The following HERC1 variants were observed in gnomAD, a reference collection of about 807,000 sequenced individuals.
HERC1 encodes HECT and RLD domain containing E3 ubiquitin protein ligase family member 1, also known as probable E3 ubiquitin-protein ligase HERC1.
Under a neutral mutation model 554.3 loss-of-function variants are expected in HERC1, and 160 were observed. The observed-to-expected ratio is 0.29, with a 90% CI of 0.25 to 0.33. The LOEUF (loss-of-function observed/expected upper bound fraction) is 0.33, where lower values mean the gene tolerates loss of function less well. Among genes scored for constraint, HERC1 ranks in the 10% least tolerant of loss-of-function variants. HERC1 has a pLI of 1.00. For missense variants in HERC1, 4,919 were observed against 5,918.5 expected (o/e 0.83, Z 5.54); for synonymous variants, 2,175 against 2,131.7 (o/e 1.02, Z -0.56).
chr15:63,654,017 T>C, intron 51 of HERC1, 102 bp downstream of exon 51: 1 of 840,682 alleles, frequency 1.2e-6, no homozygotes, highest in South Asian at 1.5e-5. Flanking sequence ...TGAAAGAGAG[T>C]GACACAAAGA....
In HERC1 at chr15:63,693,978, T is replaced by C. The variant is rs2072266388; in HGVS notation, c.5660A>G (p.Lys1887Arg). Residue 1887 changes from lysine to arginine, a missense_variant, in exon 30 of 78, where the codon AAG becomes AGG. Lys to Arg is a conservative substitution (Grantham distance 26). This residue lies in a region of HERC1 where 1,121 missense variants were observed against 1,244.0 expected (regional missense o/e 0.90). Coordinates refer to ENST00000443617, the MANE Select transcript of HERC1 (RefSeq NM_003922.4). ...GCTTACATTACCTCTGAAATCTTTC[T>C]TCTCAGTTTCTCCACTGGAGTCAAC... is the stretch of plus-strand genomic sequence containing the variant. The part of the protein sequence containing the change: ...KKVDSSGETE[K>R]KDFRAALRKQ... 1.3e-6 allele frequency: 2 copies of C among 1,551,800 alleles called. No homozygotes were observed. The highest frequency in any genetic ancestry group is 1.7e-6 in the Non-Finnish European group (2 of 1,147,352).
At chr15:63,815,635 T>A (rs1452666456) in intron 1 of HERC1, among the ~76,000 whole-genome samples, 1 of 152,200 alleles carries the variant, frequency 6.6e-6, no homozygotes, top group African/African-American at 2.4e-5. Flanking sequence ...TATTTACCTA[T>A]CAAAAGTTTC....
chr15:63,649,923 C>T lies in HERC1; in HGVS notation c.10549G>A (p.Gly3517Arg), dbSNP rs7182782. The change falls in exon 54 of 78, where the codon GGA (glycine) becomes AGA (arginine). Residue 3517 changes from glycine (G) to arginine (R), a missense_variant and splice_region_variant. Physicochemically the swap from Gly to Arg is moderately radical, Grantham distance 125. This residue lies in a region of HERC1 where 1,963 missense variants were observed against 2,228.6 expected (regional missense o/e 0.88). Coordinates refer to ENST00000443617, the MANE Select transcript of HERC1 (RefSeq NM_003922.4). ...KMVNIWQVNG[G>R]KGLVDIQPHW... ...GGCTGAATATCTACTAATCCTTTTC[C>T]TCCTAAAAGGGAAAAAATGTTAACT... is the stretch of plus-strand genomic sequence containing the variant. The T allele has an allele frequency of 6.3e-7, 1 of 1,593,324 alleles. No individual in the cohort carries two copies. The highest frequency in any genetic ancestry group is 8.6e-7 in the Non-Finnish European group (1 of 1,169,072).
At chr15:63,748,178 A>G (rs980749350) in intron 10 of HERC1, among the ~76,000 whole-genome samples, 3 of 152,188 alleles carry the variant, frequency 2.0e-5, no homozygotes, top group Admixed American at 6.5e-5. Context: ...GTGAGCAGAG[A>G]CTGTATCACT....
rs572301633 is a variant in HERC1, at chr15:63,772,775, CATT to C, written c.930+1916_930+1918del. 8.5e-5 allele frequency among the ~76,000 whole-genome samples: 13 copies of C among 152,232 alleles called. No individual in the cohort carries two copies. In the South Asian group the frequency reaches 2.7e-3, roughly 32 times the overall value. On this transcript the variant is annotated intron_variant, in intron 2 of 77. Transcript: ENST00000443617. The stretch of plus-strand genomic sequence containing the variant: ...GTGAAGAACACAGAACCCATGTCAA[CATT>C]CCATATCCCAAACAAAGCACGGCAT...
chr15:63,786,917 A>ATTTTT (rs1378851561), intron 1 of HERC1, among the ~76,000 whole-genome samples: 18 of 127,018 alleles, frequency 1.4e-4, no homozygotes, highest in Admixed American at 1.6e-4. Flanking sequence ...TCAATAAATT[A>ATTTTT]TTATTTTTTT....
Position 63,758,116 on chromosome 15 carries a change from A to T in HERC1, c.1221+59T>A, listed in dbSNP as rs2075492836. ...AAAATACTCAGTATTATTTAATGCA[A>T]ATAAGCATGAATATACACCAGATTA... On this transcript the variant is annotated intron_variant, in intron 4 of 77. Coordinates refer to ENST00000443617, the MANE Select transcript of HERC1 (RefSeq NM_003922.4). This position sits in a 1 kb window ranked among gnomAD's most constrained non-coding sequence, Gnocchi z 4.0. 1 of 1,211,914 alleles carries T rather than the reference A, an allele frequency of 8.3e-7. No individual in the cohort carries two copies. The highest frequency in any genetic ancestry group is 2.0e-5 in the Admixed American group (1 of 49,324). 75.1% of individuals were successfully genotyped at this position (1,211,914 alleles called of 1,614,324 possible). A position where few individuals can be genotyped will look rare whatever the true frequency, so the allele number is the denominator to read the frequency against.
intron 2 of HERC1, among the ~76,000 whole-genome samples, chr15:63,773,912 AT>A (rs1357464218): frequency 6.6e-6 from 1 of 152,196 alleles, no homozygotes; most frequent in Non-Finnish European, 1.5e-5. Flanking sequence ...AGTCTTACAA[AT>A]TCTTGAAATT....
At position 63,648,201 on chromosome 15, in the gene HERC1, TAACATGATCA is replaced by T; in HGVS notation, c.10748-12_10748-3del. On this transcript the variant is annotated splice_region_variant and splice_polypyrimidine_tract_variant and intron_variant, in intron 54 of 77. Transcript: ENST00000443617. ...ACCATGCAATGCAAGTAACAGACAC[TAACATGATCA>T]AAACAAAAGAGTAAGGAAAAGATAA... 6.2e-7 allele frequency: 1 copy of T among 1,602,026 alleles called. No individual in the cohort carries two copies. The highest frequency in any genetic ancestry group is 8.5e-7 in the Non-Finnish European group (1 of 1,173,446).
At chr15:63,832,555 A>G (rs2078193599) in intron 1 of HERC1, among the ~76,000 whole-genome samples, 1 of 152,230 alleles carries the variant, frequency 6.6e-6, no homozygotes, top group Non-Finnish European at 1.5e-5. Flanking sequence ...ATACTGCCCC[A>G]TTTTGAGCAA....
intron 12 of HERC1, among the ~76,000 whole-genome samples, chr15:63,743,952 T>C (rs1444943621): frequency 4.0e-5 from 6 of 151,332 alleles, no homozygotes; most frequent in Non-Finnish European, 8.8e-5. Flanking sequence ...CCAGATATTT[T>C]AAAGGACTTG....
intron 3 of HERC1, among the ~76,000 whole-genome samples, chr15:63,763,841 A>G (rs2075687597): frequency 6.6e-6 from 1 of 152,174 alleles, no homozygotes; most frequent in African/African-American, 2.4e-5. Context: ...TTTACTTAAT[A>G]CAACATTTTT....
intron 66 of HERC1, 101 bp downstream of exon 66, chr15:63,634,632 G>T: frequency 1.2e-6 from 1 of 863,012 alleles, no homozygotes; most frequent in Non-Finnish European, 1.8e-6. Flanking sequence ...CATGAGGTTA[G>T]GTACAACTGG....
intron 57 of HERC1, among the ~76,000 whole-genome samples, chr15:63,644,482 A>C (rs2069227846): frequency 6.6e-6 from 1 of 152,078 alleles, no homozygotes. Flanking sequence ...CTTTATATAA[A>C]GCATGTAAGC....
chr15:63,790,947 A>G (rs778289068), intron 1 of HERC1, among the ~76,000 whole-genome samples: 44 of 152,190 alleles, frequency 2.9e-4, no homozygotes, highest in Non-Finnish European at 4.4e-4. Context: ...AAACTGAAAG[A>G]TATCTTTATA....
At chr15:63,656,463 T>C (rs1180220529) in intron 48 of HERC1, 105 bp from the exon 49 acceptor site, 2 of 1,018,280 alleles carry the variant, frequency 2.0e-6, no homozygotes, top group Non-Finnish European at 2.9e-6. Flanking sequence ...CATAATAAAA[T>C]GTAAGCTGCA....
intron 11 of HERC1, 97 bp downstream of exon 11, chr15:63,747,627 G>T: frequency 1.5e-6 from 1 of 666,796 alleles, no homozygotes; most frequent in South Asian, 4.2e-5. Context: ...AAACAAGAAA[G>T]AACAGTAAGT....
At chr15:63,624,467 T>C (rs997037922) in intron 71 of HERC1, 140 bp from the exon 72 acceptor site, 11 of 693,676 alleles carry the variant, frequency 1.6e-5, no homozygotes, top group African/African-American at 8.9e-5. Flanking sequence ...GAGGCTGTGG[T>C]GGGCGGATCG....
chr15:63,684,206 T>C (rs1230310304), intron 34 of HERC1, among the ~76,000 whole-genome samples: 2 of 152,218 alleles, frequency 1.3e-5, no homozygotes, highest in Non-Finnish European at 2.9e-5. Context: ...CTTTCTAGAA[T>C]AGTTGCAGTT....
Sources: gnomAD v4.1 joint callset for allele counts (sites outside exome capture counted in the v4.1 genomes callset) on GRCh38, gnomAD v4.1.1 for gene constraint, gnomAD v4.1.1 regional missense constraint, Gnocchi (gnomAD v3.1) non-coding constraint, MANE v1.5 for transcripts, NCBI Gene and HGNC (gene_info 2026-07-23, HGNC 2026-07-21) for gene names.